PPP1R13B: variants seen among roughly 807,000 people sequenced by gnomAD.
PPP1R13B encodes the protein apoptosis-stimulating of p53 protein 1.
Under a neutral mutation model 119.8 loss-of-function variants are expected in PPP1R13B, and 44 were observed. That is an observed-to-expected ratio of 0.37 (90% CI 0.29 to 0.47). The LOEUF is 0.47. Ranked by LOEUF, PPP1R13B falls within the 20% of genes least tolerant of loss-of-function variation. PPP1R13B has a pLI of 0.99. For missense variants in PPP1R13B, 1,227 were observed against 1,413.5 expected (o/e 0.87, Z 2.12); for synonymous variants, 542 against 561.5 (o/e 0.97, Z 0.49).
rs144111286 is a variant in PPP1R13B, at chr14:103,738,020, T to C, written c.2865-160A>G. Among the ~76,000 whole-genome samples the C allele has an allele frequency of 7.5e-4, 114 of 152,344 alleles. 3 individuals are homozygous for C. In the East Asian group the frequency reaches 0.02, roughly 27 times the overall value. On this transcript the variant is annotated intron_variant, in intron 14 of 16. Transcript: ENST00000202556. The surrounding 1 kb of genome is among the most constrained non-coding windows in gnomAD (Gnocchi z 5.6). Reference sequence around the variant, plus strand: ...TAAAGGCAGGATTTCCATGAGCCAATTGTTTCAGACCATACATACATTTTG... The same window carrying C: ...TAAAGGCAGGATTTCCATGAGCCAACTGTTTCAGACCATACATACATTTTG...
intron 1 of PPP1R13B, among the ~76,000 whole-genome samples, chr14:103,806,053 AAGT>A (rs2086010321): frequency 6.6e-6 from 1 of 152,224 alleles, no homozygotes; most frequent in East Asian, 1.9e-4. Context: ...TGTTTTTAAA[AAGT>A]AGGATATATA....
chr14:103,809,841 T>TATTA (rs2152057075), intron 1 of PPP1R13B, among the ~76,000 whole-genome samples: 1 of 151,078 alleles, frequency 6.6e-6, no homozygotes, highest in African/African-American at 2.4e-5. Context: ...TTATTATTAT[T>TATTA]TTTGAGACAG....
chr14:103,753,796 G>A (rs2084607925), intron 6 of PPP1R13B, among the ~76,000 whole-genome samples: 1 of 151,918 alleles, frequency 6.6e-6, no homozygotes, highest in Non-Finnish European at 1.5e-5. Flanking sequence ...TTCAGGCTGG[G>A]GAGCACTGGC....
Position 103,739,815 on chromosome 14 carries a change from G to A in PPP1R13B, c.2592+9C>T. 1.3e-6 allele frequency: 2 copies of A among 1,595,112 alleles called. No individual in the cohort carries two copies. The highest frequency in any genetic ancestry group is 1.7e-6 in the Non-Finnish European group (2 of 1,169,352). ...GAAGGCCAGGCTTTGGTCTAGCAAT[G>A]ACACCCACCGTGGAGGTGGCAGGAG... On this transcript the variant is annotated intron_variant, in intron 12 of 16. Coordinates refer to ENST00000202556, the MANE Select transcript of PPP1R13B (RefSeq NM_015316.3).
intron 4 of PPP1R13B, 46 bp from the exon 5 acceptor site, chr14:103,757,797 TTGTC>T: frequency 6.5e-7 from 1 of 1,531,418 alleles, no homozygotes; most frequent in Non-Finnish European, 9.0e-7. Flanking sequence ...ATCTGCATAA[TTGTC>T]TGTCTCTAGT....
chr14:103,761,717 C>T (rs564427407), intron 4 of PPP1R13B, among the ~76,000 whole-genome samples: 6 of 149,728 alleles, frequency 4.0e-5, no homozygotes, highest in Non-Finnish European at 4.4e-5. Context: ...GAGCCAAGAC[C>T]GTGCCACTGC....
At chr14:103,763,858 C>T (rs376156546) in intron 4 of PPP1R13B, 1 of 152,222 alleles carries the variant, frequency 6.6e-6, no homozygotes, top group African/African-American at 2.4e-5. Flanking sequence ...TGTCTCTAGA[C>T]TTACTTTCTT....
intron 1 of PPP1R13B, among the ~76,000 whole-genome samples, chr14:103,816,330 G>A (rs1457714775): frequency 6.8e-6 from 1 of 147,294 alleles, no homozygotes; most frequent in African/African-American, 2.5e-5. Context: ...GCTAATTTTT[G>A]TATTTTTAGT....
Position 103,741,768 on chromosome 14 carries a change from GGA to G in PPP1R13B, c.1822+20_1822+21del. ...GTATAATTTCCTAGCCCCAAGAAAA[GGA>G]GAGTATAAACCCACTCTACCTGCTT... is the stretch of plus-strand genomic sequence containing the variant. On this transcript the variant is annotated intron_variant, in intron 11 of 16. Transcript: ENST00000202556. 1 of 1,586,140 alleles carries G rather than the reference GGA, an allele frequency of 6.3e-7. No individual in the cohort carries two copies. Among genetic ancestry groups the G allele is most frequent in the South Asian group, 1.1e-5 (1 of 87,792 alleles).
intron 4 of PPP1R13B, among the ~76,000 whole-genome samples, chr14:103,771,605 T>C (rs2085071554): frequency 6.7e-6 from 1 of 149,790 alleles, no homozygotes. Context: ...CTCATCCCCC[T>C]GAGTAGTTGG....
chr14:103,844,032 T>G (rs2086969779), intron 1 of PPP1R13B, among the ~76,000 whole-genome samples: 1 of 150,930 alleles, frequency 6.6e-6, no homozygotes, highest in Non-Finnish European at 1.5e-5. Context: ...TTTGGGAGGC[T>G]GGGGCGGGCA....
chr14:103,779,538 C>T (rs1042513641), intron 3 of PPP1R13B, among the ~76,000 whole-genome samples: 2 of 150,892 alleles, frequency 1.3e-5, no homozygotes, highest in African/African-American at 2.4e-5. Flanking sequence ...CTGGGATTCT[C>T]CCAAGGTGGG....
At chr14:103,825,336 C>A (rs963144616) in intron 1 of PPP1R13B, among the ~76,000 whole-genome samples, 5 of 152,094 alleles carry the variant, frequency 3.3e-5, no homozygotes, top group African/African-American at 1.2e-4. Flanking sequence ...GGAAAGTGAC[C>A]ATGTCTGTCA....
In PPP1R13B at chr14:103,773,724, G is replaced by A. The variant is rs2085121377; in HGVS notation, c.354+5021C>T. ...GAACTGACAACACCATGTACCTCTGGAAAGGGGAATAAAATGTAGGGACTG... is the reference window on the plus strand; with the variant it reads ...GAACTGACAACACCATGTACCTCTGAAAAGGGGAATAAAATGTAGGGACTG... On this transcript the variant is annotated intron_variant, in intron 4 of 16. Transcript: ENST00000202556. Among the ~76,000 whole-genome samples, 4 of 152,308 alleles carry A rather than the reference G, an allele frequency of 2.6e-5. No homozygotes were observed. The South Asian group carries it at 8.3e-4, about 32-fold the overall frequency.
At chr14:103,780,808 C>CT (rs1048745704) in intron 3 of PPP1R13B, among the ~76,000 whole-genome samples, 8 of 135,776 alleles carry the variant, frequency 5.9e-5, no homozygotes, top group African/African-American at 1.5e-4. Context: ...GACTCTGTCT[C>CT]TAAAAAAAAA....
chr14:103,789,977 G>A (rs562911675), intron 2 of PPP1R13B, among the ~76,000 whole-genome samples: 9 of 152,228 alleles, frequency 5.9e-5, no homozygotes, highest in South Asian at 2.1e-4. Flanking sequence ...CGGGCCCGGT[G>A]GCTCACGTCC....
At chr14:103,757,160 AGTGAT>A (rs1018333660) in intron 5 of PPP1R13B, among the ~76,000 whole-genome samples, 10 of 151,714 alleles carry the variant, frequency 6.6e-5, no homozygotes, top group Non-Finnish European at 1.2e-4. Flanking sequence ...CCTGGGCTCA[AGTGAT>A]CCTCCTGCCT....
intron 2 of PPP1R13B, among the ~76,000 whole-genome samples, chr14:103,794,328 GTT>G (rs60972985): frequency 0.38 from 53,407 of 140,532 alleles, 9,659 homozygotes; most frequent in Non-Finnish European, 0.41. Context: ...TTTGTTTTTT[GTT>G]TTTTTTTTTT....
At chr14:103,803,535 C>T (rs775509532) in intron 1 of PPP1R13B, among the ~76,000 whole-genome samples, 4 of 151,908 alleles carry the variant, frequency 2.6e-5, no homozygotes, top group Admixed American at 6.6e-5. Context: ...CCCAGCTACT[C>T]GGGAGGCTGA....
Sources: gnomAD v4.1 joint callset for allele counts (sites outside exome capture counted in the v4.1 genomes callset) on GRCh38, gnomAD v4.1.1 for gene constraint, Gnocchi (gnomAD v3.1) non-coding constraint, MANE v1.5 for transcripts, NCBI Gene and HGNC (gene_info 2026-07-23, HGNC 2026-07-21) for gene names.